Variants in IFNA5 observed in about 807,000 individuals in gnomAD.
IFNA5 encodes interferon alpha 5.
For missense variants in IFNA5, 267 were observed against 213.8 expected (o/e 1.25, Z -1.55); for synonymous variants, 95 against 77.6 (o/e 1.22, Z -1.18).
chr9:21,305,313 C>A lies in IFNA5; in HGVS notation c.-57G>T, dbSNP rs967684892. On this transcript the variant is annotated 5_prime_UTR_variant, in exon 1 of 1. Transcript: ENST00000610521. ...AGATTGAGTGACCCTGAACCTTGGGCTCTTCTCTGAAGACCTTGTTTTGTG... is the reference window on the plus strand; with the variant it reads ...AGATTGAGTGACCCTGAACCTTGGGATCTTCTCTGAAGACCTTGTTTTGTG... 1.4e-5 allele frequency: 20 copies of A among 1,439,310 alleles called. No homozygotes were observed. The South Asian group carries it at 2.2e-4, about 16-fold the overall frequency. The allele number at this position is 1,439,310 out of a possible 1,614,324, so 89.2% of individuals were successfully genotyped here.
At position 21,304,895 on chromosome 9, in the gene IFNA5, G is replaced by C. The variant is rs758221007; in HGVS notation, c.362C>G (p.Ala121Gly). 3.1e-6 allele frequency: 5 copies of C among 1,614,148 alleles called. No individual in the cohort carries two copies. The South Asian group carries it at 5.5e-5, about 18-fold the overall frequency. Residue 121 changes from alanine to glycine, a missense_variant, in exon 1 of 1, where the codon GCC becomes GGC. Physicochemically the swap from Ala to Gly is moderately conservative, Grantham distance 60. Coordinates refer to ENST00000610521, the MANE Select transcript of IFNA5 (RefSeq NM_002169.3). The part of the protein sequence containing the change: ...ELYQQLNDLE[A>G]CMMQEVGVED... ...CACTCCAACCTCCTGCATCATACAG[G>C]CTTCCAGGTCATTCAGCTGCTGGTA...
Position 21,304,972 on chromosome 9 carries a change from G to A in IFNA5, c.285C>T (p.Asp95=), listed in dbSNP as rs752519749. Residue 95 remains aspartate, a synonymous_variant, in exon 1 of 1, where the codon GAC becomes GAT. Coordinates refer to ENST00000610521, the MANE Select transcript of IFNA5 (RefSeq NM_002169.3). Reference sequence around the variant, plus strand: ...GTGTCTCATCCCAAGTAGCAGATGAGTCCTTTGTGCTGAAGAGATTGAAGG... The same window carrying A: ...GTGTCTCATCCCAAGTAGCAGATGAATCCTTTGTGCTGAAGAGATTGAAGG... The part of the protein sequence containing the change: ...QQTFNLFSTK[D]SSATWDETLL... 4 of 1,614,198 alleles carry A rather than the reference G, an allele frequency of 2.5e-6. No individual in the cohort carries two copies. The highest frequency in any genetic ancestry group is 2.2e-5 in the South Asian group (2 of 91,078).
Position 21,304,581 on chromosome 9 carries a change from A to T in IFNA5, c.*106T>A, listed in dbSNP as rs549789047. On this transcript the variant is annotated 3_prime_UTR_variant, in exon 1 of 1. Transcript: ENST00000610521. ...TGAAACGTTTGAAAATTTTGATTCA[A>T]CTCAAGTCATGGATATAGCAGAAAT... 20 of 1,332,642 alleles carry T rather than the reference A, an allele frequency of 1.5e-5. No homozygotes were observed. In the African/African-American group the frequency reaches 2.2e-4, roughly 15 times the overall value. 82.6% of individuals were successfully genotyped at this position (1,332,642 alleles called of 1,614,324 possible).
rs1213676629 is a variant in IFNA5 at position 21,305,201 on chromosome 9, A to C, written c.56T>G (p.Ile19Ser). The change falls in exon 1 of 1, where the codon ATC (isoleucine) becomes AGC (serine). Residue 19 changes from isoleucine (I) to serine (S), a missense_variant. Ile to Ser is a moderately radical substitution (Grantham distance 142). Transcript: ENST00000610521. Reference sequence around the variant, plus strand: ...AGGCAGATCACAGCCCAGAGAACAGATTGACTTGCAGTTGAGCACCACCAG... The same window carrying C: ...AGGCAGATCACAGCCCAGAGAACAGCTTGACTTGCAGTTGAGCACCACCAG... ...MALVVLNCKS[I>S]CSLGCDLPQT... 1 of 1,611,884 alleles carries C rather than the reference A, an allele frequency of 6.2e-7. No homozygotes were observed. The highest frequency in any genetic ancestry group is 1.7e-5 in the Admixed American group (1 of 59,730).
rs374778354 is a variant in IFNA5 at position 21,304,783 on chromosome 9, T to G, written c.474A>C (p.Lys158Asn). 5.6e-5 allele frequency: 91 copies of G among 1,614,048 alleles called. No individual in the cohort carries two copies. In the African/African-American group the frequency reaches 1.1e-3, roughly 19 times the overall value. ...QRITLYLTEK[K>N]YSPCAWEVVR... ...CAACCTCCCATGCACAAGGGCTGTA[T>G]TTCTTCTCTGTCAGATAGAGGGTGA... The change falls in exon 1 of 1, where the codon AAA (lysine) becomes AAC (asparagine). Residue 158 changes from lysine (K) to asparagine (N), a missense_variant. Coordinates refer to ENST00000610521, the MANE Select transcript of IFNA5 (RefSeq NM_002169.3).
At position 21,304,564 on chromosome 9, in the gene IFNA5, T is replaced by G. The variant is rs996900329; in HGVS notation, c.*123A>C. The G allele has an allele frequency of 6.0e-6, 7 of 1,161,918 alleles. No individual in the cohort carries two copies. Among genetic ancestry groups the G allele is most frequent in the Non-Finnish European group, 8.5e-6 (7 of 821,056 alleles). The allele number at this position is 1,161,918 out of a possible 1,614,324, so 72.0% of individuals were successfully genotyped here. A position where few individuals can be genotyped will look rare whatever the true frequency, so the allele number is the denominator to read the frequency against. On this transcript the variant is annotated 3_prime_UTR_variant, in exon 1 of 1. Coordinates refer to ENST00000610521, the MANE Select transcript of IFNA5 (RefSeq NM_002169.3). ...GTGTTGCTTAACACGTGTGAAACGT[T>G]TGAAAATTTTGATTCAACTCAAGTC...
Position 21,304,999 on chromosome 9 carries a change from C to A in IFNA5, c.258G>T (p.Gln86His), listed in dbSNP as rs756735402. ...AISVLHEMIQ[Q>H]TFNLFSTKDS... The stretch of plus-strand genomic sequence containing the variant: ...CCTTTGTGCTGAAGAGATTGAAGGT[C>A]TGCTGGATCATCTCATGGAGGACAG... Residue 86 changes from glutamine to histidine, a missense_variant, in exon 1 of 1, where the codon CAG becomes CAT. Coordinates refer to ENST00000610521, the MANE Select transcript of IFNA5 (RefSeq NM_002169.3). The A allele has an allele frequency of 6.8e-6, 11 of 1,614,078 alleles. No individual in the cohort carries two copies. Among genetic ancestry groups the A allele is most frequent in the Middle Eastern group, 1.6e-4 (1 of 6,084 alleles).
chr9:21,304,629 CAAG>C lies in IFNA5; in HGVS notation c.*55_*57del. On this transcript the variant is annotated 3_prime_UTR_variant, in exon 1 of 1. Transcript: ENST00000610521. The stretch of plus-strand genomic sequence containing the variant: ...AATTAATATTTGAAACGGCAGAACT[CAAG>C]AAGTGTGAAATGGTGTACTAGTCAA... The C allele has an allele frequency of 6.5e-7, 1 of 1,528,210 alleles. No homozygotes were observed. 94.7% of individuals were successfully genotyped at this position (1,528,210 alleles called of 1,614,324 possible).
In IFNA5 at chr9:21,304,497, C is replaced by T. The variant is rs1264988986; in HGVS notation, c.*190G>A. On this transcript the variant is annotated 3_prime_UTR_variant, in exon 1 of 1. Coordinates refer to ENST00000610521, the MANE Select transcript of IFNA5 (RefSeq NM_002169.3). ...TAAATAGATAGAATAGATAGATTGG[C>T]ATGATCATCTGTAAAGATTTTGTCC... is the stretch of plus-strand genomic sequence containing the variant. 19 of 505,540 alleles carry T rather than the reference C, an allele frequency of 3.8e-5. No homozygotes were observed. Among genetic ancestry groups the T allele is most frequent in the Non-Finnish European group, 5.1e-5 (15 of 291,398 alleles). The allele number at this position is 505,540 out of a possible 1,614,324, so 31.3% of individuals were successfully genotyped here. A position where few individuals can be genotyped will look rare whatever the true frequency, so the allele number is the denominator to read the frequency against.
At position 21,305,125 on chromosome 9, in the gene IFNA5, C is replaced by A; in HGVS notation, c.132G>T (p.Met44Ile). The change falls in exon 1 of 1, where the codon ATG becomes ATT. Residue 44 changes from methionine to isoleucine, a missense_variant. Physicochemically the swap from Met to Ile is conservative, Grantham distance 10. Coordinates refer to ENST00000610521, the MANE Select transcript of IFNA5 (RefSeq NM_002169.3). The part of the protein sequence containing the change: ...NRRTLMIMAQ[M>I]GRISPFSCLK... ...GGCAGGAGAAAGGAGAGATTCTTCC[C>A]ATTTGTGCCATTATCATCAAAGTCC... The A allele has an allele frequency of 6.2e-7, 1 of 1,614,180 alleles. No homozygotes were observed. The highest frequency in any genetic ancestry group is 8.5e-7 in the Non-Finnish European group (1 of 1,180,038).
rs769493970 is a variant in IFNA5 at position 21,305,008 on chromosome 9, C to T, written c.249G>A (p.Met83Ile). ...KAQAISVLHE[M>I]IQQTFNLFST... is the part of the protein sequence containing the mutation. Reference sequence around the variant, plus strand: ...TGAAGAGATTGAAGGTCTGCTGGATCATCTCATGGAGGACAGAGATGGCTT... The same window carrying T: ...TGAAGAGATTGAAGGTCTGCTGGATTATCTCATGGAGGACAGAGATGGCTT... The change falls in exon 1 of 1, where the codon ATG becomes ATA. Residue 83 changes from methionine (M) to isoleucine (I), a missense_variant. Coordinates refer to ENST00000610521, the MANE Select transcript of IFNA5 (RefSeq NM_002169.3). The T allele has an allele frequency of 6.2e-7, 1 of 1,614,168 alleles. No individual in the cohort carries two copies. Among genetic ancestry groups the T allele is most frequent in the Non-Finnish European group, 8.5e-7 (1 of 1,180,016 alleles).
In IFNA5 at chr9:21,304,951, C is replaced by A. The variant is rs200585197; in HGVS notation, c.306G>T (p.Glu102Asp). The change falls in exon 1 of 1, where the codon GAG becomes GAT. Residue 102 changes from glutamate (E) to aspartate (D), a missense_variant. Physicochemically the swap from Glu to Asp is conservative, Grantham distance 45 (BLOSUM62 2). Transcript: ENST00000610521. ...CAGTGTAGAATTTGTCTAGAAGTGT[C>A]TCATCCCAAGTAGCAGATGAGTCCT... The part of the protein sequence containing the change: ...STKDSSATWD[E>D]TLLDKFYTEL... 3 of 1,614,174 alleles carry A rather than the reference C, an allele frequency of 1.9e-6. No individual in the cohort carries two copies. In the African/African-American group the frequency reaches 4.0e-5, roughly 22 times the overall value.
Position 21,304,584 on chromosome 9 carries a change from C to T in IFNA5, c.*103G>A, listed in dbSNP as rs532200565. On this transcript the variant is annotated 3_prime_UTR_variant, in exon 1 of 1. Transcript: ENST00000610521. ...AACGTTTGAAAATTTTGATTCAACT[C>T]AAGTCATGGATATAGCAGAAATTAA... The T allele has an allele frequency of 1.2e-4, 156 of 1,349,804 alleles. 1 individual carries two copies. In the African/African-American group the frequency reaches 2.1e-3, roughly 18 times the overall value. 83.6% of individuals were successfully genotyped at this position (1,349,804 alleles called of 1,614,324 possible).
In IFNA5 at chr9:21,304,627, C is replaced by A. The variant is rs1470755618; in HGVS notation, c.*60G>T. ...GAAATTAATATTTGAAACGGCAGAA[C>A]TCAAGAAGTGTGAAATGGTGTACTA... On this transcript the variant is annotated 3_prime_UTR_variant, in exon 1 of 1. Coordinates refer to ENST00000610521, the MANE Select transcript of IFNA5 (RefSeq NM_002169.3). 1 of 1,523,186 alleles carries A rather than the reference C, an allele frequency of 6.6e-7. No homozygotes were observed. Among genetic ancestry groups the A allele is most frequent in the East Asian group, 2.3e-5 (1 of 44,354 alleles). 94.4% of individuals were successfully genotyped at this position (1,523,186 alleles called of 1,614,324 possible).
At position 21,304,713 on chromosome 9, in the gene IFNA5, G is replaced by C. The variant is rs1432093615; in HGVS notation, c.544C>G (p.Gln182Glu). The C allele has an allele frequency of 6.2e-7, 1 of 1,612,544 alleles. No individual in the cohort carries two copies. Reference protein sequence around the residue: ...MRSFSLSANLQERLRRKE With the variant: ...MRSFSLSANLEERLRRKE ...CATTCCTTCCTCCTTAATCTTTCTT[G>C]CAAGTTTGCTGATAAAGAGAAGGAT... Residue 182 changes from glutamine (Q) to glutamate (E), a missense_variant, in exon 1 of 1, where the codon CAA becomes GAA. Coordinates refer to ENST00000610521, the MANE Select transcript of IFNA5 (RefSeq NM_002169.3).
Position 21,304,638 on chromosome 9 carries a change from T to C in IFNA5, c.*49A>G. On this transcript the variant is annotated 3_prime_UTR_variant, in exon 1 of 1. Coordinates refer to ENST00000610521, the MANE Select transcript of IFNA5 (RefSeq NM_002169.3). ...TTGAAACGGCAGAACTCAAGAAGTG[T>C]GAAATGGTGTACTAGTCAATGAGAA... is the stretch of plus-strand genomic sequence containing the variant. The C allele has an allele frequency of 1.3e-6, 2 of 1,545,580 alleles. No individual in the cohort carries two copies. The highest frequency in any genetic ancestry group is 1.8e-6 in the Non-Finnish European group (2 of 1,141,098).
Position 21,304,773 on chromosome 9 carries a change from A to G in IFNA5, c.484T>C (p.Cys162Arg). The G allele has an allele frequency of 6.2e-7, 1 of 1,614,138 alleles. No individual in the cohort carries two copies. Among genetic ancestry groups the G allele is most frequent in the Non-Finnish European group, 8.5e-7 (1 of 1,180,012 alleles). Reference protein sequence around the residue: ...LYLTEKKYSPCAWEVVRAEIM... With the variant: ...LYLTEKKYSPRAWEVVRAEIM... ...TCTGCTCTGACAACCTCCCATGCAC[A>G]AGGGCTGTATTTCTTCTCTGTCAGA... is the stretch of plus-strand genomic sequence containing the variant. The change falls in exon 1 of 1, where the codon TGT (cysteine) becomes CGT (arginine). Residue 162 changes from cysteine to arginine, a missense_variant. Physicochemically the swap from Cys to Arg is radical, Grantham distance 180 (BLOSUM62 -3). Transcript: ENST00000610521.
In IFNA5 at chr9:21,304,746, T is replaced by A; in HGVS notation, c.511A>T (p.Ile171Phe). 6.2e-7 allele frequency: 1 copy of A among 1,613,878 alleles called. No individual in the cohort carries two copies. Among genetic ancestry groups the A allele is most frequent in the Non-Finnish European group, 8.5e-7 (1 of 1,179,976 alleles). ...GCTGATAAAGAGAAGGATCTCATGA[T>A]TTCTGCTCTGACAACCTCCCATGCA... Reference protein sequence around the residue: ...PCAWEVVRAEIMRSFSLSANL... With the variant: ...PCAWEVVRAEFMRSFSLSANL... The change falls in exon 1 of 1, where the codon ATC becomes TTC. Residue 171 changes from isoleucine to phenylalanine, a missense_variant. Coordinates refer to ENST00000610521, the MANE Select transcript of IFNA5 (RefSeq NM_002169.3).
At position 21,304,826 on chromosome 9, in the gene IFNA5, C is replaced by G. The variant is rs1008217099; in HGVS notation, c.431G>C (p.Arg144Thr). 3.1e-6 allele frequency: 5 copies of G among 1,614,160 alleles called. No homozygotes were observed. The highest frequency in any genetic ancestry group is 4.2e-6 in the Non-Finnish European group (5 of 1,180,028). ...LMNVDSILTV[R>T]KYFQRITLYL... is the part of the protein sequence containing the mutation. The stretch of plus-strand genomic sequence containing the variant: ...GAGGGTGATTCTTTGAAAGTATTTT[C>G]TCACAGTCAGGATAGAGTCCACATT... The change falls in exon 1 of 1, where the codon AGA (arginine) becomes ACA (threonine). Residue 144 changes from arginine (R) to threonine (T), a missense_variant. Coordinates refer to ENST00000610521, the MANE Select transcript of IFNA5 (RefSeq NM_002169.3).
Sources: gnomAD v4.1 joint callset for allele counts on GRCh38, gnomAD v4.1.1 for gene constraint, MANE v1.5 for transcripts, NCBI Gene and HGNC (gene_info 2026-07-23, HGNC 2026-07-21) for gene names.